The following PCSK5 variants were observed in gnomAD, a reference collection of about 807,000 sequenced individuals.
The protein encoded by PCSK5 is proprotein convertase subtilisin/kexin type 5.
Under a neutral mutation model 233.2 loss-of-function variants are expected in PCSK5, and 129 were observed. The ratio of observed to expected loss-of-function variants is 0.55; its 90% CI spans 0.48 to 0.64. The LOEUF (loss-of-function observed/expected upper bound fraction) is 0.64. Among genes scored for constraint, PCSK5 ranks in the 30% least tolerant of loss-of-function variants. The pLI, the probability that PCSK5 is intolerant of heterozygous loss-of-function variation, is 0.00. For missense variants in PCSK5, 2,076 were observed against 2,430.1 expected (o/e 0.85, Z 3.06); for synonymous variants, 825 against 879.2 (o/e 0.94, Z 1.09).
Position 76,332,606 on chromosome 9 carries a change from G to A in PCSK5, c.4744G>A (p.Glu1582Lys), listed in dbSNP as rs775341630. Residue 1582 changes from glutamate to lysine, a missense_variant, in exon 34 of 38, where the codon GAA becomes AAA. Glu to Lys is a moderately conservative substitution (Grantham distance 56, BLOSUM62 1). Around this residue, in one of 6 missense-constraint regions of PCSK5, gnomAD observed 1,510 missense variants for 1,538.1 expected, o/e 0.98. Coordinates refer to ENST00000674117, the MANE Select transcript of PCSK5 (RefSeq NM_001372043.1). ...LGKECLLQCR[E>K]GYYADNSTGR... ...AAAAGAGTGCCTGCTCCAGTGCAGGGAAGGGTAAGTGCTCAATACATTTTC... is the reference window on the plus strand; with the variant it reads ...AAAAGAGTGCCTGCTCCAGTGCAGGAAAGGGTAAGTGCTCAATACATTTTC... The A allele has an allele frequency of 1.9e-6, 3 of 1,576,528 alleles. No homozygotes were observed. The highest frequency in any genetic ancestry group is 1.3e-5 in the African/African-American group (1 of 74,196).
At position 76,262,396 on chromosome 9, in the gene PCSK5, C is replaced by T. The variant is rs534245514; in HGVS notation, c.3142+21712C>T. Among the ~76,000 whole-genome samples the T allele has an allele frequency of 3.0e-4, 45 of 152,258 alleles. 1 individual carries two copies. In the East Asian group the frequency reaches 8.5e-3, roughly 29 times the overall value. On this transcript the variant is annotated intron_variant, in intron 24 of 37. Transcript: ENST00000674117. ...AAACTATACTATGAGGCTACAGTAA[C>T]CAAAACAGCATGGTACTGGTACCAA...
At chr9:76,042,591 G>A (rs1440795536) in intron 5 of PCSK5, among the ~76,000 whole-genome samples, 1 of 152,208 alleles carries the variant, frequency 6.6e-6, no homozygotes, top group Non-Finnish European at 1.5e-5. Context: ...GGGAGGTGGA[G>A]GTTGCAGTGA....
chr9:76,094,735 G>A (rs1205463273), intron 7 of PCSK5, among the ~76,000 whole-genome samples: 1 of 151,800 alleles, frequency 6.6e-6, no homozygotes, highest in African/African-American at 2.4e-5. Context: ...TCAGCCTCCC[G>A]AGTAGCTGGG....
At position 76,360,285 on chromosome 9, in the gene PCSK5, T is replaced by A. The variant is rs73652942; in HGVS notation, c.*1363T>A. On this transcript the variant is annotated 3_prime_UTR_variant, in exon 38 of 38. Transcript: ENST00000674117. ...ATGCCCCACTTATCCATTTTGGTAC[T>A]TACCATACTCCCATGAGGTTGGTAT... The A allele has an allele frequency of 1.3e-5, 2 of 152,246 alleles. No homozygotes were observed. The highest frequency in any genetic ancestry group is 4.8e-5 in the African/African-American group (2 of 41,448). 9.4% of individuals were successfully genotyped at this position (152,246 alleles called of 1,614,324 possible).
At chr9:76,167,675 A>T (rs556380090) in intron 12 of PCSK5, among the ~76,000 whole-genome samples, 25 of 152,350 alleles carry the variant, frequency 1.6e-4, no homozygotes, top group African/African-American at 6.0e-4. Context: ...ATATATTGTT[A>T]TAAGAAGACT....
At chr9:76,240,577 T>C (rs1319923854) in intron 23 of PCSK5, 39 bp from the exon 24 acceptor site, 1 of 1,384,828 alleles carries the variant, frequency 7.2e-7, no homozygotes, top group South Asian at 1.2e-5. Flanking sequence ...CTCCACTCAA[T>C]GGAAATGAGT....
intron 1 of PCSK5, among the ~76,000 whole-genome samples, chr9:75,923,191 C>T (rs1425501044): frequency 1.3e-5 from 2 of 152,132 alleles, no homozygotes; most frequent in Non-Finnish European, 2.9e-5. Flanking sequence ...TACTTCTTTA[C>T]TTGGGCATAT....
At chr9:76,251,807 T>G (rs1826816481) in intron 24 of PCSK5, among the ~76,000 whole-genome samples, 1 of 151,964 alleles carries the variant, frequency 6.6e-6, no homozygotes, top group Admixed American at 6.6e-5. Flanking sequence ...GGTCAGAACA[T>G]TTAGAAATGT....
chr9:76,006,600 T>G (rs1323718553), intron 3 of PCSK5, among the ~76,000 whole-genome samples: 1 of 152,214 alleles, frequency 6.6e-6, no homozygotes, highest in Non-Finnish European at 1.5e-5. Flanking sequence ...AAGTTCATTA[T>G]TTCTATTTTT....
chr9:76,159,709 G>A (rs1027950356), intron 12 of PCSK5, among the ~76,000 whole-genome samples: 8 of 151,988 alleles, frequency 5.3e-5, no homozygotes, highest in South Asian at 2.1e-4. Flanking sequence ...AAATGAATAC[G>A]GGTGCCTGTG....
intron 3 of PCSK5, among the ~76,000 whole-genome samples, chr9:76,016,253 G>A (rs1323105912): frequency 1.3e-5 from 2 of 152,182 alleles, no homozygotes; most frequent in African/African-American, 4.8e-5. Flanking sequence ...TGTTTCCAGT[G>A]GTACACTGGA....
At chr9:76,051,347 C>T (rs7029337) in intron 5 of PCSK5, among the ~76,000 whole-genome samples, 13,446 of 152,176 alleles carry the variant, frequency 0.088, 756 homozygotes, top group African/African-American at 0.14. Context: ...CACAGCCCTG[C>T]GTTATTCAGC....
chr9:76,124,098 C>T (rs532986358), intron 9 of PCSK5, among the ~76,000 whole-genome samples: 2 of 152,036 alleles, frequency 1.3e-5, no homozygotes, highest in East Asian at 1.9e-4. Flanking sequence ...TGATTAGTGG[C>T]GAAGATCACC....
chr9:76,289,515 C>T (rs1287232493), intron 24 of PCSK5, among the ~76,000 whole-genome samples: 1 of 74,184 alleles, frequency 1.3e-5, no homozygotes, highest in Non-Finnish European at 2.7e-5. Flanking sequence ...ACACACGCAA[C>T]ATACACACAC....
intron 3 of PCSK5, among the ~76,000 whole-genome samples, chr9:76,012,373 C>T (rs950187944): frequency 6.6e-6 from 1 of 152,180 alleles, no homozygotes; most frequent in African/African-American, 2.4e-5. Flanking sequence ...CCATGTCAGT[C>T]AAGCCTTCAA....
chr9:76,001,319 A>G (rs147704106), intron 3 of PCSK5, among the ~76,000 whole-genome samples: 61 of 152,146 alleles, frequency 4.0e-4, no homozygotes, highest in African/African-American at 1.4e-3. Flanking sequence ...TATTTGTTCA[A>G]AATTAATTGA....
At chr9:76,217,966 C>T (rs1825598540) in intron 20 of PCSK5, among the ~76,000 whole-genome samples, 1 of 152,188 alleles carries the variant, frequency 6.6e-6, no homozygotes, top group South Asian at 2.1e-4. Context: ...TGCTCCACCT[C>T]AATGAGGTGG....
In PCSK5 at chr9:76,182,091, A is replaced by G. The variant is rs1587727468; in HGVS notation, c.2197+500A>G. Among the ~76,000 whole-genome samples, 6 of 152,326 alleles carry G rather than the reference A, an allele frequency of 3.9e-5. No homozygotes were observed. The South Asian group carries it at 1.2e-3, about 32-fold the overall frequency. On this transcript the variant is annotated intron_variant, in intron 16 of 37. Coordinates refer to ENST00000674117, the MANE Select transcript of PCSK5 (RefSeq NM_001372043.1). ...CTTCAAAGGAAAATAGGTGTTCACCATAAACCATATTGTTTATACAAACAG... is the reference window on the plus strand; with the variant it reads ...CTTCAAAGGAAAATAGGTGTTCACCGTAAACCATATTGTTTATACAAACAG...
chr9:75,990,246 C>T (rs898834748), intron 3 of PCSK5, among the ~76,000 whole-genome samples: 1 of 152,148 alleles, frequency 6.6e-6, no homozygotes, highest in Admixed American at 6.5e-5. Context: ...GCTCGTTAGC[C>T]TGGGCCCATT....
Sources: gnomAD v4.1 joint callset for allele counts (sites outside exome capture counted in the v4.1 genomes callset) on GRCh38, gnomAD v4.1.1 for gene constraint, gnomAD v4.1.1 regional missense constraint, MANE v1.5 for transcripts, NCBI Gene and HGNC (gene_info 2026-07-23, HGNC 2026-07-21) for gene names.